Variants in KCNK13 observed in about 807,000 individuals in gnomAD.
KCNK13 encodes potassium two pore domain channel subfamily K member 13, also known as potassium channel subfamily K member 13.
A neutral mutation model predicts 23.4 loss-of-function variants in KCNK13; 12 were observed. The ratio of observed to expected loss-of-function variants is 0.51; its 90% CI spans 0.33 to 0.83. KCNK13 has a LOEUF of 0.83. Ranked by LOEUF, KCNK13 falls within the 40% of genes least tolerant of loss-of-function variation. KCNK13 has a pLI of 0.02. For missense variants in KCNK13, 463 were observed against 556.3 expected, an observed-to-expected ratio of 0.83 and a Z score of 1.69; for synonymous variants, 231 against 229.5, an observed-to-expected ratio of 1.01 and a Z score of -0.06.
chr14:90,170,100 A>C (rs1445562316), intron 1 of KCNK13, among the ~76,000 whole-genome samples: 1 of 152,202 alleles, frequency 6.6e-6, no homozygotes, highest in Non-Finnish European at 1.5e-5. Context: ...CCTTCAGGGG[A>C]AATTCCAGGT....
At chr14:90,078,450 GAGGA>G (rs1236151904) in intron 1 of KCNK13, among the ~76,000 whole-genome samples, 8 of 149,188 alleles carry the variant, frequency 5.4e-5, no homozygotes, top group African/African-American at 1.2e-4. Context: ...AAAAGAAAGA[GAGGA>G]AGGAAGGAAG....
chr14:90,147,921 A>C (rs111329603), intron 1 of KCNK13, among the ~76,000 whole-genome samples: 9,887 of 152,276 alleles, frequency 0.065, 418 homozygotes, highest in South Asian at 0.21. Context: ...CTGTAATCCC[A>C]GCACTTTGGG....
chr14:90,067,700 C>A (rs765614495), intron 1 of KCNK13, among the ~76,000 whole-genome samples: 1 of 152,162 alleles, frequency 6.6e-6, no homozygotes, highest in Non-Finnish European at 1.5e-5. Context: ...GGCTGGAGAT[C>A]AGACGTGAAA....
intron 1 of KCNK13, among the ~76,000 whole-genome samples, chr14:90,088,039 A>G (rs746339820): frequency 3.3e-5 from 5 of 152,102 alleles, no homozygotes; most frequent in Non-Finnish European, 5.9e-5. Context: ...GTCTCGCTCT[A>G]TCACCCAGGC....
chr14:90,107,570 A>G (rs147860901), intron 1 of KCNK13: 9 of 469,930 alleles, frequency 1.9e-5, no homozygotes, highest in Middle Eastern at 5.9e-4. Context: ...GATTGTGCAA[A>G]AGTAAAGAGT....
At position 90,154,666 on chromosome 14, in the gene KCNK13, G is replaced by A. The variant is rs138231281; in HGVS notation, c.335-29445G>A. Reference sequence around the variant, plus strand: ...AACTATCAGAGGTATCAATAAGAATGGCTTATAAAAAACCAATCAGTTTGT... The same window carrying A: ...AACTATCAGAGGTATCAATAAGAATAGCTTATAAAAAACCAATCAGTTTGT... On this transcript the variant is annotated intron_variant, in intron 1 of 1. Coordinates refer to ENST00000282146, the MANE Select transcript of KCNK13 (RefSeq NM_022054.4). Among the ~76,000 whole-genome samples the A allele has an allele frequency of 8.9e-4, 135 of 152,294 alleles. 1 individual carries two copies. Among genetic ancestry groups the A allele is most frequent in the African/African-American group, 3.2e-3 (132 of 41,554 alleles).
intron 1 of KCNK13, among the ~76,000 whole-genome samples, chr14:90,162,893 T>C (rs1890265942): frequency 6.6e-6 from 1 of 152,166 alleles, no homozygotes; most frequent in South Asian, 2.1e-4. Flanking sequence ...GTTAACGTTC[T>C]TAAAAATATG....
intron 1 of KCNK13, among the ~76,000 whole-genome samples, chr14:90,172,946 G>A (rs1486979975): frequency 1.3e-5 from 2 of 152,168 alleles, no homozygotes; most frequent in Non-Finnish European, 2.9e-5. Flanking sequence ...GCATGAATGA[G>A]GCAGTAAATT....
At chr14:90,168,308 C>G (rs1056089869) in intron 1 of KCNK13, among the ~76,000 whole-genome samples, 12 of 151,874 alleles carry the variant, frequency 7.9e-5, no homozygotes, top group Non-Finnish European at 1.5e-4. Context: ...GAGGTTGAGG[C>G]TGCAGTGAGC....
chr14:90,174,878 TAATA>T (rs1566652435), intron 1 of KCNK13, among the ~76,000 whole-genome samples: 2 of 151,546 alleles, frequency 1.3e-5, no homozygotes, highest in South Asian at 2.1e-4. Flanking sequence ...AATAAATAAA[TAATA>T]AATAAAATAA....
intron 1 of KCNK13, among the ~76,000 whole-genome samples, chr14:90,112,438 A>T (rs1410685739): frequency 6.6e-6 from 1 of 152,232 alleles, no homozygotes; most frequent in African/African-American, 2.4e-5. Flanking sequence ...GAGAAGAGCC[A>T]TTCAGTTCTT....
intron 1 of KCNK13, among the ~76,000 whole-genome samples, chr14:90,119,337 C>CA (rs1889711095): frequency 1.3e-5 from 2 of 151,958 alleles, no homozygotes; most frequent in South Asian, 4.2e-4. Flanking sequence ...AGAGATGCAA[C>CA]AAAAAAAGAA....
In KCNK13 at chr14:90,177,743, G is replaced by A. The variant is rs150639563; in HGVS notation, c.335-6368G>A. ...ATGGGGCCAGAGCTGGGAAGGAGTCGGTCTTGATTCATGCATCATATTCTA... is the reference window on the plus strand; with the variant it reads ...ATGGGGCCAGAGCTGGGAAGGAGTCAGTCTTGATTCATGCATCATATTCTA... On this transcript the variant is annotated intron_variant, in intron 1 of 1. Transcript: ENST00000282146. Among the ~76,000 whole-genome samples the A allele has an allele frequency of 2.3e-3, 356 of 152,186 alleles. 1 individual carries two copies. The highest frequency in any genetic ancestry group is 8.0e-3 in the African/African-American group (331 of 41,502).
At position 90,062,340 on chromosome 14, in the gene KCNK13, CGAGCGCCAGGCCAAGCAGCGCTGGGAG is replaced by C; in HGVS notation, c.143_169del (p.Gln48_Arg56del). The C allele has an allele frequency of 6.4e-7, 1 of 1,555,380 alleles. No homozygotes were observed. Among genetic ancestry groups the C allele is most frequent in the Non-Finnish European group, 8.7e-7 (1 of 1,154,646 alleles). ...TCTTCTCCGCGCTGGAGCTGGCGCA[CGAGCGCCAGGCCAAGCAGCGCTGGGAG>C]GAGCGCCTGGCCAACTTCAGCCGCG... is the stretch of plus-strand genomic sequence containing the variant. On this transcript the variant is annotated inframe_deletion, in exon 1 of 2. Transcript: ENST00000282146. The surrounding 1 kb of genome is among the most constrained non-coding windows in gnomAD (Gnocchi z 4.5).
intron 1 of KCNK13, among the ~76,000 whole-genome samples, chr14:90,113,134 T>C (rs960860402): frequency 6.6e-6 from 1 of 152,094 alleles, no homozygotes; most frequent in Admixed American, 6.6e-5. Flanking sequence ...AGGCGAGGCT[T>C]GTCTTTAACT....
At chr14:90,177,185 A>C (rs1006357534) in intron 1 of KCNK13, 1 of 152,166 alleles carries the variant, frequency 6.6e-6, no homozygotes, top group African/African-American at 2.4e-5. Context: ...GCACAGTGAG[A>C]TCCTATCTCA....
chr14:90,097,062 T>C (rs557378662), intron 1 of KCNK13, among the ~76,000 whole-genome samples: 121 of 152,212 alleles, frequency 7.9e-4, no homozygotes, highest in Non-Finnish European at 1.2e-3. Context: ...GAGTGGGAGA[T>C]GAAACTCAAA....
intron 1 of KCNK13, among the ~76,000 whole-genome samples, chr14:90,115,250 A>G (rs1047928910): frequency 3.9e-5 from 6 of 152,106 alleles, no homozygotes; most frequent in African/African-American, 1.4e-4. Flanking sequence ...CTGAGTGTGA[A>G]TCTCTGAAGG....
chr14:90,120,377 C>T (rs941113957), intron 1 of KCNK13, among the ~76,000 whole-genome samples: 1 of 152,170 alleles, frequency 6.6e-6, no homozygotes, highest in African/African-American at 2.4e-5. Context: ...TCCATTCTTA[C>T]ACTGCTATAA....
Sources: gnomAD v4.1 joint callset for allele counts (sites outside exome capture counted in the v4.1 genomes callset) on GRCh38, gnomAD v4.1.1 for gene constraint, Gnocchi (gnomAD v3.1) non-coding constraint, MANE v1.5 for transcripts, NCBI Gene and HGNC (gene_info 2026-07-23, HGNC 2026-07-21) for gene names.